The following CSMD2 variants were observed in gnomAD, a reference collection of about 807,000 sequenced individuals.
CSMD2 encodes the protein CUB and Sushi multiple domains 2, also known as CUB and sushi domain-containing protein 2.
A neutral mutation model predicts 398.5 loss-of-function variants in CSMD2; 130 were observed. That is an observed-to-expected ratio of 0.33 (90% CI 0.28 to 0.38). The LOEUF (loss-of-function observed/expected upper bound fraction) is 0.38, where lower values mean the gene tolerates loss of function less well. Among genes scored for constraint, CSMD2 ranks in the 10% least tolerant of loss-of-function variants. The probability of loss-of-function intolerance (pLI) is 1.00; values close to 1 mark genes in which losing one functional copy is unlikely to be tolerated. For missense variants in CSMD2, 3,829 were observed against 4,764.9 expected (o/e 0.80, Z 5.78); for synonymous variants, 1,828 against 1,908.5 (o/e 0.96, Z 1.10).
chr1:33,976,387 GT>G (rs1330047598), intron 3 of CSMD2, among the ~76,000 whole-genome samples: 1 of 152,226 alleles, frequency 6.6e-6, no homozygotes, highest in Non-Finnish European at 1.5e-5. Context: ...AGCCTAGGGT[GT>G]AACTTTAGCC....
chr1:33,692,972 T>A lies in CSMD2; in HGVS notation c.4010A>T (p.Asn1337Ile), dbSNP rs758445315. 8 of 1,607,726 alleles carry A rather than the reference T, an allele frequency of 5.0e-6. No individual in the cohort carries two copies. In the South Asian group the frequency reaches 7.8e-5, roughly 16 times the overall value. ...GYPAPYEHNL[N>I]CIWTIEAEAG... Reference sequence around the variant, plus strand: ...CTCTGCTTCGATGGTCCAGATGCAGTTGAGATTGTGTTCATAGGGAGCTGG... The same window carrying A: ...CTCTGCTTCGATGGTCCAGATGCAGATGAGATTGTGTTCATAGGGAGCTGG... Residue 1337 changes from asparagine to isoleucine, a missense_variant, in exon 25 of 71, where the codon AAC becomes ATC. Asn to Ile is a moderately radical substitution (Grantham distance 149). Around this residue, in one of 5 missense-constraint regions of CSMD2, gnomAD observed 2,001 missense variants for 2,567.1 expected, o/e 0.78. Coordinates refer to ENST00000373381, the MANE Select transcript of CSMD2 (RefSeq NM_001281956.2).
At chr1:33,767,700 G>C (rs539306496) in intron 13 of CSMD2, among the ~76,000 whole-genome samples, 5 of 152,262 alleles carry the variant, frequency 3.3e-5, no homozygotes, top group Non-Finnish European at 5.9e-5. Flanking sequence ...TGTATGTTGG[G>C]GGTATACAAT....
intron 9 of CSMD2, chr1:33,812,944 C>T (rs1657024882): frequency 6.6e-6 from 1 of 152,148 alleles, no homozygotes; most frequent in Non-Finnish European, 1.5e-5. Flanking sequence ...AGACTGGCAA[C>T]ATTACTAAAC....
rs546006590 is a variant in CSMD2, at chr1:34,148,759, C to T, written c.187+16152G>A. On this transcript the variant is annotated intron_variant, in intron 1 of 70. Transcript: ENST00000373381. ...AACTGAGGCCAAGAATGAACTAGGACGAAGGTTTGCTGGGGTCGGCCTTAT... is the reference window on the plus strand; with the variant it reads ...AACTGAGGCCAAGAATGAACTAGGATGAAGGTTTGCTGGGGTCGGCCTTAT... Among the ~76,000 whole-genome samples, 10 of 152,296 alleles carry T rather than the reference C, an allele frequency of 6.6e-5. No homozygotes were observed. The East Asian group carries it at 7.7e-4, about 12-fold the overall frequency.
intron 25 of CSMD2, among the ~76,000 whole-genome samples, chr1:33,670,524 C>T (rs1448664336): frequency 6.6e-6 from 1 of 152,212 alleles, no homozygotes; most frequent in Non-Finnish European, 1.5e-5. Flanking sequence ...TTACCATCCA[C>T]ATCTAGCCCC....
intron 2 of CSMD2, among the ~76,000 whole-genome samples, chr1:34,046,094 T>C (rs1279478716): frequency 1.3e-5 from 2 of 152,198 alleles, no homozygotes; most frequent in African/African-American, 4.8e-5. Flanking sequence ...ACAATTTCAG[T>C]GTAAAGCTAC....
At chr1:34,114,122 A>C (rs1661367567) in intron 1 of CSMD2, among the ~76,000 whole-genome samples, 1 of 152,200 alleles carries the variant, frequency 6.6e-6, no homozygotes, top group Non-Finnish European at 1.5e-5. Context: ...AGAGGGAGCA[A>C]GAAATTACAA....
chr1:33,743,540 T>C lies in CSMD2; in HGVS notation c.1913A>G (p.Tyr638Cys). ...CCAGACACAGTGGAGGTGGTTGCCA[T>C]AGTCCTCTGGGTAGTTGGGAGACAG... ...VVLSPNYPED[Y>C]GNHLHCVWLI... Residue 638 changes from tyrosine (Y) to cysteine (C), a missense_variant, in exon 14 of 71, where the codon TAT becomes TGT. By Grantham distance (194) the Tyr-to-Cys change is radical. Coordinates refer to ENST00000373381, the MANE Select transcript of CSMD2 (RefSeq NM_001281956.2). 6.2e-7 allele frequency: 1 copy of C among 1,613,970 alleles called. No individual in the cohort carries two copies. The highest frequency in any genetic ancestry group is 8.5e-7 in the Non-Finnish European group (1 of 1,179,978).
chr1:33,929,035 C>T (rs1644222421), intron 4 of CSMD2, among the ~76,000 whole-genome samples: 1 of 152,210 alleles, frequency 6.6e-6, no homozygotes, highest in South Asian at 2.1e-4. Context: ...TGTCTTGCTT[C>T]CCTTTAGGGC....
At chr1:33,864,096 G>C in intron 5 of CSMD2, 1 of 1,233,460 alleles carries the variant, frequency 8.1e-7, no homozygotes, top group Non-Finnish European at 1.1e-6. Context: ...AAAATTCGCT[G>C]CAAGTACAGC....
At chr1:33,738,300 A>T (rs1646946736) in intron 15 of CSMD2, among the ~76,000 whole-genome samples, 1 of 152,258 alleles carries the variant, frequency 6.6e-6, no homozygotes, top group Non-Finnish European at 1.5e-5. Flanking sequence ...AGTTTCCCCA[A>T]GGGGCCCTTG....
intron 4 of CSMD2, among the ~76,000 whole-genome samples, chr1:33,923,853 G>A (rs1397023289): frequency 1.3e-5 from 2 of 152,086 alleles, no homozygotes; most frequent in Non-Finnish European, 2.9e-5. Flanking sequence ...ATGATCTGAG[G>A]TGGAACAGTT....
chr1:33,766,488 G>A (rs550845696), intron 13 of CSMD2, among the ~76,000 whole-genome samples: 29 of 152,280 alleles, frequency 1.9e-4, no homozygotes, highest in African/African-American at 7.0e-4. Context: ...TAGCATCAAT[G>A]TTTTCTCATT....
chr1:34,090,424 T>C (rs1422988186), intron 1 of CSMD2, among the ~76,000 whole-genome samples: 1 of 152,176 alleles, frequency 6.6e-6, no homozygotes, highest in Admixed American at 6.5e-5. Flanking sequence ...GACTTCCCAC[T>C]TGTGCATTGG....
intron 3 of CSMD2, among the ~76,000 whole-genome samples, chr1:33,985,125 C>A (rs1646311503): frequency 6.6e-6 from 1 of 152,200 alleles, no homozygotes; most frequent in Non-Finnish European, 1.5e-5. Context: ...AATGCCACAG[C>A]TTCAAGGCTT....
chr1:33,889,165 C>T (rs549805611), intron 5 of CSMD2, among the ~76,000 whole-genome samples: 1 of 152,126 alleles, frequency 6.6e-6, no homozygotes, highest in Admixed American at 6.5e-5. Flanking sequence ...ATTGATAAAA[C>T]CTTTTTACAA....
rs750331300 is a variant in CSMD2, at chr1:33,652,340, G to A, written c.4569C>T (p.Ile1523=). The change falls in exon 28 of 71, where the codon ATC becomes ATT. Residue 1523 remains isoleucine, a synonymous_variant. Transcript: ENST00000373381. ...WKVTVSPDYV[I]ALVFNIFNLE... ...GTACATACATGTTAAATACCAGGGC[G>A]ATGACGTAGTCTGGTGAGACGGTCA... is the stretch of plus-strand genomic sequence containing the variant. 8.1e-6 allele frequency: 13 copies of A among 1,614,034 alleles called. No homozygotes were observed. The highest frequency in any genetic ancestry group is 3.3e-5 in the Admixed American group (2 of 60,006).
At chr1:33,585,577 T>G (rs117083675) in intron 46 of CSMD2, among the ~76,000 whole-genome samples, 1 of 152,210 alleles carries the variant, frequency 6.6e-6, no homozygotes, top group African/African-American at 2.4e-5. Context: ...CTTTGACATG[T>G]TCCTGATTTC....
At chr1:34,126,415 C>T (rs1205263910) in intron 1 of CSMD2, among the ~76,000 whole-genome samples, 2 of 152,186 alleles carry the variant, frequency 1.3e-5, no homozygotes, top group Admixed American at 6.5e-5. Flanking sequence ...AGGATCCTTG[C>T]CCATGAGCAC....
Sources: allele counts gnomAD v4.1 joint callset (sites outside exome capture counted in the v4.1 genomes callset), GRCh38; gene constraint gnomAD v4.1.1; regional missense constraint gnomAD v4.1.1; transcripts MANE v1.5; gene names NCBI Gene and HGNC (gene_info 2026-07-23, HGNC 2026-07-21).